The following CFAP57 variants were observed in gnomAD, a reference collection of about 807,000 sequenced individuals.
CFAP57 encodes the protein cilia- and flagella-associated protein 57.
CFAP57 carries 116 observed loss-of-function variants against 146.8 expected under a neutral mutation model. That is an observed-to-expected ratio of 0.79 (90% CI 0.68 to 0.92). The LOEUF (loss-of-function observed/expected upper bound fraction) is 0.92. Among genes scored for constraint, CFAP57 ranks in the 40% least tolerant of loss-of-function variants. The probability of loss-of-function intolerance (pLI) is 0.00; values close to 1 mark genes in which losing one functional copy is unlikely to be tolerated. For missense variants in CFAP57, 1,377 were observed against 1,527.2 expected (o/e 0.90, Z 1.64); for synonymous variants, 518 against 552.8 (o/e 0.94, Z 0.88).
In CFAP57 at chr1:43,222,108, G is replaced by A; in HGVS notation, c.2345G>A (p.Cys782Tyr). The change falls in exon 15 of 23, where the codon TGT (cysteine) becomes TAT (tyrosine). Residue 782 changes from cysteine (C) to tyrosine (Y), a missense_variant. Coordinates refer to ENST00000372492, the MANE Select transcript of CFAP57 (RefSeq NM_001378189.1). ...KQSRELQDME[C>Y]CNNQKLLLEY... ...TACCATCCTTGCTTCTCTCCAGAATGTTGCAACAACCAAAAGTTGCTTCTA... is the reference window on the plus strand; with the variant it reads ...TACCATCCTTGCTTCTCTCCAGAATATTGCAACAACCAAAAGTTGCTTCTA... 1 of 1,546,490 alleles carries A rather than the reference G, an allele frequency of 6.5e-7. No homozygotes were observed.
chr1:43,252,122 T>A (rs1307604948), intron 22 of CFAP57, among the ~76,000 whole-genome samples: 3 of 152,184 alleles, frequency 2.0e-5, no homozygotes, highest in Admixed American at 2.0e-4. Flanking sequence ...ATTTTTATTT[T>A]TCTCCCCTTA....
intron 7 of CFAP57, among the ~76,000 whole-genome samples, chr1:43,198,270 G>A (rs764242264): frequency 1.2e-4 from 18 of 152,260 alleles, no homozygotes; most frequent in Non-Finnish European, 2.4e-4. Context: ...CTTCAGCATC[G>A]CTAGACCACA....
chr1:43,172,390 A>G lies in CFAP57; in HGVS notation c.-83A>G. ...GCGTTTGAAAGTGTCCGGGTTGCTT[A>G]GGATCCCTACAGGTAGCGCCTCTGG... On this transcript the variant is annotated 5_prime_UTR_variant, in exon 1 of 23. Coordinates refer to ENST00000372492, the MANE Select transcript of CFAP57 (RefSeq NM_001378189.1). 1 of 1,551,556 alleles carries G rather than the reference A, an allele frequency of 6.4e-7. No homozygotes were observed. Among genetic ancestry groups the G allele is most frequent in the Non-Finnish European group, 8.7e-7 (1 of 1,146,968 alleles).
rs544577701 is a variant in CFAP57 at position 43,198,723 on chromosome 1, C to A, written c.1428+77C>A. 662 of 1,552,412 alleles carry A rather than the reference C, an allele frequency of 4.3e-4. 2 individuals carry two copies. In the African/African-American group the frequency reaches 8.1e-3, roughly 19 times the overall value. ...CTGAAATATCAGGAACTAACATGAT[C>A]TGGGGAGGTGGGACCAAAATCTGTC... On this transcript the variant is annotated intron_variant, in intron 8 of 22. Transcript: ENST00000372492.
chr1:43,216,766 T>G (rs1644849403), intron 12 of CFAP57, among the ~76,000 whole-genome samples: 1 of 152,176 alleles, frequency 6.6e-6, no homozygotes, highest in Non-Finnish European at 1.5e-5. Context: ...TTCCCAACTC[T>G]CTTTATATTC....
Position 43,238,943 on chromosome 1 carries a change from G to C in CFAP57, c.3406-4284G>C, listed in dbSNP as rs1645803656. 6.6e-6 allele frequency among the ~76,000 whole-genome samples: 1 copy of C among 152,080 alleles called. No homozygotes were observed. The highest frequency in any genetic ancestry group is 2.1e-4 in the South Asian group (1 of 4,828). ...ATGCATGCTGTTTGATACATTTGCA[G>C]TGATCCAATCAACCCTTGCAATTGT... On this transcript the variant is annotated intron_variant, in intron 21 of 22. Transcript: ENST00000372492. This position sits in a 1 kb window ranked among gnomAD's most constrained non-coding sequence, Gnocchi z 4.3.
intron 6 of CFAP57, among the ~76,000 whole-genome samples, chr1:43,194,097 C>T (rs1368311947): frequency 6.6e-6 from 1 of 152,070 alleles, no homozygotes; most frequent in African/African-American, 2.4e-5. Context: ...TCTGGAGTAA[C>T]TTGCTTTCAA....
intron 18 of CFAP57, among the ~76,000 whole-genome samples, chr1:43,228,967 C>T (rs11210817): frequency 0.085 from 12,572 of 148,668 alleles, 2,044 homozygotes; most frequent in African/African-American, 0.22. Flanking sequence ...TTTGTGAGGG[C>T]TCTGCCCTCG....
intron 9 of CFAP57, among the ~76,000 whole-genome samples, chr1:43,202,672 A>T (rs1644178527): frequency 1.3e-5 from 2 of 151,836 alleles, no homozygotes; most frequent in Non-Finnish European, 2.9e-5. Flanking sequence ...AATCCCAGCT[A>T]CTCAGGAGGC....
chr1:43,221,351 G>T, intron 13 of CFAP57, 21 bp from the exon 14 acceptor site: 1 of 1,520,646 alleles, frequency 6.6e-7, no homozygotes, highest in South Asian at 1.3e-5. Context: ...GTGTAAATGA[G>T]GAAATGTGAC....
intron 6 of CFAP57, among the ~76,000 whole-genome samples, chr1:43,190,749 T>C (rs987022476): frequency 6.6e-6 from 1 of 152,114 alleles, no homozygotes; most frequent in Admixed American, 6.5e-5. Context: ...GTGTGAGTTT[T>C]CGTTTTTTAC....
In CFAP57 at chr1:43,254,038, TG is replaced by T; in HGVS notation, c.3603del (p.Arg1202GlyfsTer8). 1.3e-6 allele frequency: 2 copies of T among 1,550,386 alleles called. No individual in the cohort carries two copies. The highest frequency in any genetic ancestry group is 1.7e-6 in the Non-Finnish European group (2 of 1,146,966). ...TARLNEQEET[G>X]RIIEMQRLEI... ...CAAGGTTGAATGAGCAAGAAGAAACTGGGAGGATCATTGAAATGCAGCGCCT... is the reference window on the plus strand; with the variant it reads ...CAAGGTTGAATGAGCAAGAAGAAACTGGAGGATCATTGAAATGCAGCGCCT... On this transcript the variant is annotated frameshift_variant, in exon 23 of 23. Transcript: ENST00000372492. LOFTEE classifies it high-confidence loss of function.
At chr1:43,244,433 A>T (rs1320344212) in intron 22 of CFAP57, among the ~76,000 whole-genome samples, 2 of 152,164 alleles carry the variant, frequency 1.3e-5, no homozygotes, top group Non-Finnish European at 2.9e-5. Context: ...AACTATATAC[A>T]TTTAATTACA....
At chr1:43,235,854 C>T (rs967321812) in intron 21 of CFAP57, among the ~76,000 whole-genome samples, 13 of 152,202 alleles carry the variant, frequency 8.5e-5, no homozygotes, top group African/African-American at 3.1e-4. Context: ...CATCACCTAG[C>T]ACCCTCTGTG....
At chr1:43,210,951 G>C (rs77855230) in intron 11 of CFAP57, 1 of 127,282 alleles carries the variant, frequency 7.9e-6, no homozygotes, top group African/African-American at 2.8e-5. Flanking sequence ...AAAAAAAAAA[G>C]TAATGTCTAT....
intron 6 of CFAP57, 94 bp from the exon 7 acceptor site, chr1:43,197,459 G>C: frequency 6.6e-7 from 1 of 1,512,698 alleles, no homozygotes; most frequent in Admixed American, 1.7e-5. Context: ...TGTGCACCCA[G>C]GCTAATTAAT....
At chr1:43,182,438 C>T (rs1254096755) in intron 3 of CFAP57, among the ~76,000 whole-genome samples, 1 of 152,132 alleles carries the variant, frequency 6.6e-6, no homozygotes, top group African/African-American at 2.4e-5. Context: ...CACTCAATTC[C>T]ACAAGTTCAA....
At chr1:43,186,628 A>T (rs1035905875) in intron 5 of CFAP57, 79 bp from the exon 6 acceptor site, 7 of 1,278,078 alleles carry the variant, frequency 5.5e-6, no homozygotes, top group South Asian at 4.0e-5. Context: ...AAAAAAAAAA[A>T]AAAAAGAAAA....
At chr1:43,249,491 G>A (rs1412286929) in intron 22 of CFAP57, among the ~76,000 whole-genome samples, 5 of 134,408 alleles carry the variant, frequency 3.7e-5, no homozygotes, top group African/African-American at 5.5e-5. Flanking sequence ...GTGCAGTGGC[G>A]CGATCTCGGC....
Sources: allele counts gnomAD v4.1 joint callset (sites outside exome capture counted in the v4.1 genomes callset), GRCh38; gene constraint gnomAD v4.1.1; non-coding constraint Gnocchi (gnomAD v3.1); transcripts MANE v1.5; gene names NCBI Gene and HGNC (gene_info 2026-07-23, HGNC 2026-07-21).